Variants in PDE1C observed in about 807,000 individuals in gnomAD.
PDE1C encodes dual specificity calcium/calmodulin-dependent 3',5'-cyclic nucleotide phosphodiesterase 1C.
Under a neutral mutation model 93.1 loss-of-function variants are expected in PDE1C, and 62 were observed. That is an observed-to-expected ratio of 0.67 (90% confidence interval 0.54 to 0.82). The LOEUF (loss-of-function observed/expected upper bound fraction) is 0.82. PDE1C is among the 40% of genes least tolerant of loss of function. PDE1C has a pLI of 0.00. For synonymous variants in PDE1C, 325 were observed against 310.1 expected (o/e 1.05, Z -0.50); for missense variants, 742 against 884.6 (o/e 0.84, Z 2.04).
chr7:32,387,688 C>T (rs866565794), intron 1 of PDE1C, among the ~76,000 whole-genome samples: 1 of 146,752 alleles, frequency 6.8e-6, no homozygotes, highest in Non-Finnish European at 1.5e-5. Flanking sequence ...GCTGACCCCC[C>T]CCACCTCCCT....
chr7:31,847,635 A>G (rs998420368), intron 9 of PDE1C, among the ~76,000 whole-genome samples: 4 of 152,170 alleles, frequency 2.6e-5, no homozygotes, highest in African/African-American at 9.7e-5. Flanking sequence ...GAGAATTTTT[A>G]GGACAATATT....
chr7:31,777,885 A>G (rs1467936755), intron 16 of PDE1C, among the ~76,000 whole-genome samples: 3 of 152,148 alleles, frequency 2.0e-5, no homozygotes, highest in African/African-American at 7.2e-5. Context: ...CCTGAAGGTC[A>G]GAGTTGGTGG....
At chr7:32,392,172 TAAAGA>T (rs1343021492) in intron 1 of PDE1C, among the ~76,000 whole-genome samples, 4 of 152,032 alleles carry the variant, frequency 2.6e-5, no homozygotes, top group Non-Finnish European at 5.9e-5. Flanking sequence ...AGAAAGATTA[TAAAGA>T]AAATACTATA....
rs879427958 is a variant in PDE1C, at chr7:31,900,936, TA to T, written c.129-20077del. 2.6e-3 allele frequency among the ~76,000 whole-genome samples: 385 copies of T among 150,908 alleles called. 3 individuals carry two copies. The highest frequency in any genetic ancestry group is 8.6e-3 in the African/African-American group (356 of 41,302). On this transcript the variant is annotated intron_variant, in intron 2 of 17. Transcript: ENST00000396191. ...TCTATATGATCTTTTTGACAGATAC[TA>T]AAAAAAAATTTGATGCAGTTCAATA...
At chr7:32,267,416 G>A (rs75614914) in intron 1 of PDE1C, among the ~76,000 whole-genome samples, 1 of 152,178 alleles carries the variant, frequency 6.6e-6, no homozygotes, top group East Asian at 1.9e-4. Flanking sequence ...GGAGTGAAAA[G>A]AGGGGGCACG....
intron 3 of PDE1C, among the ~76,000 whole-genome samples, chr7:32,164,954 A>G (rs1226103635): frequency 6.6e-6 from 1 of 152,224 alleles, no homozygotes; most frequent in Non-Finnish European, 1.5e-5. Flanking sequence ...CAACAGGTTT[A>G]AAGGGATAAA....
chr7:32,339,092 A>T (rs1783691572), intron 1 of PDE1C, among the ~76,000 whole-genome samples: 2 of 152,032 alleles, frequency 1.3e-5, no homozygotes, highest in South Asian at 4.2e-4. Context: ...ACAGAAAAAA[A>T]ATTGAGTTTT....
At chr7:32,162,613 A>G (rs1403063343) in intron 3 of PDE1C, among the ~76,000 whole-genome samples, 2 of 152,148 alleles carry the variant, frequency 1.3e-5, no homozygotes, top group Non-Finnish European at 2.9e-5. Flanking sequence ...TCTGAACACC[A>G]AAGTCACCAT....
At chr7:32,357,398 T>C (rs1784052564) in intron 1 of PDE1C, among the ~76,000 whole-genome samples, 1 of 152,058 alleles carries the variant, frequency 6.6e-6, no homozygotes, top group African/African-American at 2.4e-5. Context: ...AGAGAAAATA[T>C]AAAATAAAAC....
At chr7:32,316,421 A>G (rs754898681) in intron 1 of PDE1C, among the ~76,000 whole-genome samples, 8 of 152,158 alleles carry the variant, frequency 5.3e-5, no homozygotes, top group Non-Finnish European at 8.8e-5. Context: ...TCATACCAGG[A>G]CCAGTGAAAA....
chr7:32,187,345 A>T (rs1803951861), intron 2 of PDE1C, among the ~76,000 whole-genome samples: 1 of 152,040 alleles, frequency 6.6e-6, no homozygotes, highest in African/African-American at 2.4e-5. Context: ...TGTTTCTCTT[A>T]TATTTTTATC....
the PDE1C span, chr7:31,695,859 G>T: frequency 3.1e-6 from 1 of 320,910 alleles, no homozygotes; most frequent in Non-Finnish European, 5.6e-6. Flanking sequence ...GTGAAACCAT[G>T]GGGTGAGGAG....
intron 1 of PDE1C, among the ~76,000 whole-genome samples, chr7:32,349,105 C>G (rs215687): frequency 0.8 from 121,818 of 152,246 alleles, 49,099 homozygotes; most frequent in Admixed American, 0.85. Flanking sequence ...GCCAGGGACC[C>G]CTTCCAAGTG....
chr7:32,087,138 G>T (rs1290015760), intron 3 of PDE1C, among the ~76,000 whole-genome samples: 2 of 151,848 alleles, frequency 1.3e-5, no homozygotes, highest in Admixed American at 1.3e-4. Flanking sequence ...AATCTACAAA[G>T]AACTCAAACA....
At chr7:31,912,894 C>T (rs1801426434) in intron 2 of PDE1C, among the ~76,000 whole-genome samples, 1 of 151,954 alleles carries the variant, frequency 6.6e-6, no homozygotes, top group Admixed American at 6.6e-5. Flanking sequence ...TATTTTATTT[C>T]ATATATTAGT....
At chr7:32,155,693 C>G (rs1584870416) in intron 3 of PDE1C, among the ~76,000 whole-genome samples, 1 of 152,224 alleles carries the variant, frequency 6.6e-6, no homozygotes, top group African/African-American at 2.4e-5. Context: ...ACCATGCTCA[C>G]CGCATGCATG....
chr7:31,904,937 T>A (rs1480077775), intron 2 of PDE1C, among the ~76,000 whole-genome samples: 1 of 152,164 alleles, frequency 6.6e-6, no homozygotes, highest in Non-Finnish European at 1.5e-5. Context: ...TATGCTAGAT[T>A]TTTTTAATTT....
At chr7:32,360,277 A>G (rs980044839) in intron 1 of PDE1C, among the ~76,000 whole-genome samples, 12 of 152,238 alleles carry the variant, frequency 7.9e-5, no homozygotes, top group African/African-American at 2.9e-4. Context: ...GGAGCAAAAC[A>G]TGATTAGTAA....
intron 2 of PDE1C, among the ~76,000 whole-genome samples, chr7:31,964,242 G>T: frequency 6.6e-6 from 1 of 152,202 alleles, no homozygotes; most frequent in East Asian, 1.9e-4. Context: ...CCTGGAAAAT[G>T]GGGTCACTCC....
Sources: allele counts gnomAD v4.1 joint callset (sites outside exome capture counted in the v4.1 genomes callset), GRCh38; gene constraint gnomAD v4.1.1; transcripts MANE v1.5; gene names NCBI Gene and HGNC (gene_info 2026-07-23, HGNC 2026-07-21).